SYCE2: variants seen among roughly 807,000 people sequenced by gnomAD.
The protein encoded by SYCE2 is synaptonemal complex central element protein 2.
Under a neutral mutation model 27.9 loss-of-function variants are expected in SYCE2, and 3 were observed. The ratio of observed to expected loss-of-function variants is 0.11; its 90% CI spans 0.05 to 0.28. The LOEUF (loss-of-function observed/expected upper bound fraction) is 0.28, where lower values mean the gene tolerates loss of function less well. Among genes scored for constraint, SYCE2 ranks in the 10% least tolerant of loss-of-function variants. The pLI is 1.00. For missense variants in SYCE2, 207 were observed against 263.5 expected, an observed-to-expected ratio of 0.79 and a Z score of 1.48; for synonymous variants, 85 against 100.7, an observed-to-expected ratio of 0.84 and a Z score of 0.93.
chr19:12,915,344 TA>T (rs1022132094), intron 2 of SYCE2, among the ~76,000 whole-genome samples: 2 of 152,100 alleles, frequency 1.3e-5, no homozygotes, highest in Admixed American at 1.3e-4. Flanking sequence ...CTCACGCCTA[TA>T]ATCTCAGCAC....
At chr19:12,918,940 T>C (rs958089843) in intron 1 of SYCE2, among the ~76,000 whole-genome samples, 6 of 136,198 alleles carry the variant, frequency 4.4e-5, no homozygotes, top group Admixed American at 1.6e-4. Flanking sequence ...GACAGAGTGA[T>C]ACTTCGTCTC....
At chr19:12,899,975 A>G (rs985626042) in intron 5 of SYCE2, 29 bp downstream of exon 5, 1 of 1,612,724 alleles carries the variant, frequency 6.2e-7, no homozygotes, top group South Asian at 1.1e-5. Flanking sequence ...TCTGACCCCA[A>G]GGTGTCAGGC....
chr19:12,903,982 C>T (rs533423386), intron 3 of SYCE2, among the ~76,000 whole-genome samples: 8 of 152,274 alleles, frequency 5.3e-5, no homozygotes, highest in South Asian at 2.1e-4. Flanking sequence ...AAGATGTAAG[C>T]CCTGGGCATG....
Position 12,918,834 on chromosome 19 carries a change from C to T in SYCE2, c.15+409G>A, listed in dbSNP as rs147462649. Among the ~76,000 whole-genome samples the T allele has an allele frequency of 1.6e-3, 237 of 151,888 alleles. 5 individuals carry two copies. Among genetic ancestry groups the T allele is most frequent in the African/African-American group, 5.6e-3 (231 of 41,420 alleles). On this transcript the variant is annotated intron_variant, in intron 1 of 5. Coordinates refer to ENST00000293695, the MANE Select transcript of SYCE2 (RefSeq NM_001105578.2). ...GACGTGGTGGTGCGTGCCTGTAATC[C>T]CAGCTACTCGGGAGGCTGAGGAAGG...
intron 2 of SYCE2, among the ~76,000 whole-genome samples, chr19:12,906,449 A>C (rs2145970303): frequency 6.6e-6 from 1 of 152,314 alleles, no homozygotes. Context: ...CAGAATGAAA[A>C]ATTTTGAGTA....
intron 2 of SYCE2, among the ~76,000 whole-genome samples, chr19:12,911,309 C>T (rs1325187696): frequency 6.6e-6 from 1 of 152,152 alleles, no homozygotes. Flanking sequence ...ATTTCCTACT[C>T]CTGTTTGTTA....
intron 2 of SYCE2, among the ~76,000 whole-genome samples, chr19:12,916,448 T>G (rs562857968): frequency 6.6e-6 from 1 of 152,292 alleles, no homozygotes; most frequent in South Asian, 2.1e-4. Flanking sequence ...CGGCCCCCTC[T>G]GCGTGGAAGG....
intron 3 of SYCE2, 109 bp downstream of exon 3, chr19:12,904,383 T>C (rs990170380): frequency 7.7e-7 from 1 of 1,302,992 alleles, no homozygotes; most frequent in Middle Eastern, 2.1e-4. Context: ...TCCTGTGCTG[T>C]GTGTGAATGG....
Position 12,909,239 on chromosome 19 carries a change from T to C in SYCE2, c.132-4573A>G, listed in dbSNP as rs999912269. Among the ~76,000 whole-genome samples the C allele has an allele frequency of 5.3e-5, 8 of 152,314 alleles. No individual in the cohort carries two copies. The South Asian group carries it at 1.0e-3, about 20-fold the overall frequency. ...TAAATGACTTGCGAGTACTATCCAT[T>C]ACCATCCACACTTTGGATTCTATCA... On this transcript the variant is annotated intron_variant, in intron 2 of 5. Coordinates refer to ENST00000293695, the MANE Select transcript of SYCE2 (RefSeq NM_001105578.2).
At chr19:12,910,465 T>C (rs1324664250) in intron 2 of SYCE2, among the ~76,000 whole-genome samples, 2 of 151,716 alleles carry the variant, frequency 1.3e-5, no homozygotes, top group Admixed American at 6.6e-5. Context: ...CTCCACCTCC[T>C]GGGCTCGAGT....
intron 2 of SYCE2, among the ~76,000 whole-genome samples, chr19:12,915,023 A>T (rs1411289345): frequency 6.6e-5 from 10 of 152,234 alleles, no homozygotes; most frequent in Non-Finnish European, 1.3e-4. Context: ...CCACACACAA[A>T]CTTTTCTAAA....
chr19:12,904,399 C>T, intron 3 of SYCE2, 93 bp downstream of exon 3: 11 of 1,486,486 alleles, frequency 7.4e-6, no homozygotes, highest in African/African-American at 1.4e-5. Flanking sequence ...AATGGCCTAG[C>T]ACCGTGCCTG....
intron 1 of SYCE2, 119 bp downstream of exon 1, chr19:12,919,124 C>T: frequency 1.5e-6 from 2 of 1,342,906 alleles, no homozygotes; most frequent in Non-Finnish European, 2.1e-6. Context: ...GAGAGGGAGC[C>T]CCAATGGCAA....
chr19:12,913,382 G>A (rs892662125), intron 2 of SYCE2, among the ~76,000 whole-genome samples: 51 of 152,258 alleles, frequency 3.3e-4, no homozygotes, highest in African/African-American at 1.2e-3. Flanking sequence ...CCCTCCCTCC[G>A]TGGCCTCTAA....
chr19:12,902,036 G>C (rs2090323248), intron 3 of SYCE2, among the ~76,000 whole-genome samples: 1 of 152,030 alleles, frequency 6.6e-6, no homozygotes, highest in African/African-American at 2.4e-5. Context: ...TATTTTTACT[G>C]TACCTTTTCT....
chr19:12,899,484 C>T lies in SYCE2; in HGVS notation c.613-99G>A, dbSNP rs777575306. The stretch of plus-strand genomic sequence containing the variant: ...CTTGTCCAGGTACACATGACATTCA[C>T]GCCCTGATCCTTGGGAGAGCTATCA... On this transcript the variant is annotated intron_variant, in intron 5 of 5. Coordinates refer to ENST00000293695, the MANE Select transcript of SYCE2 (RefSeq NM_001105578.2). The T allele has an allele frequency of 5.6e-6, 9 of 1,614,072 alleles. No homozygotes were observed. Among genetic ancestry groups the T allele is most frequent in the South Asian group, 1.1e-5 (1 of 91,096 alleles).
At position 12,919,261 on chromosome 19, in the gene SYCE2, G is replaced by A. The variant is rs765779621; in HGVS notation, c.-4C>T. 3.1e-6 allele frequency: 5 copies of A among 1,610,674 alleles called. No individual in the cohort carries two copies. The highest frequency in any genetic ancestry group is 1.7e-5 in the Admixed American group (1 of 60,004). On this transcript the variant is annotated 5_prime_UTR_variant, in exon 1 of 6. The change creates a new upstream start codon in the 5' untranslated region. Coordinates refer to ENST00000293695, the MANE Select transcript of SYCE2 (RefSeq NM_001105578.2). Reference sequence around the variant, plus strand: ...CGCGTACTCCCTGTCGCTCCATTCCGTATTTTCCCGCCTTCAAGCTCGCAC... The same window carrying A: ...CGCGTACTCCCTGTCGCTCCATTCCATATTTTCCCGCCTTCAAGCTCGCAC...
At chr19:12,907,027 AT>A (rs1393765912) in intron 2 of SYCE2, among the ~76,000 whole-genome samples, 1 of 152,136 alleles carries the variant, frequency 6.6e-6, no homozygotes, top group Non-Finnish European at 1.5e-5. Context: ...ATTAAGATAT[AT>A]TTTTTCTTCT....
At chr19:12,900,901 CG>C (rs1568432545) in intron 3 of SYCE2, among the ~76,000 whole-genome samples, 1 of 152,038 alleles carries the variant, frequency 6.6e-6, no homozygotes, top group East Asian at 1.9e-4. Flanking sequence ...AAAGCTAGGA[CG>C]GGTGTGGTGG....
Sources: allele counts gnomAD v4.1 joint callset (sites outside exome capture counted in the v4.1 genomes callset), GRCh38; gene constraint gnomAD v4.1.1; transcripts MANE v1.5; gene names NCBI Gene and HGNC (gene_info 2026-07-23, HGNC 2026-07-21).